SNTG1: variants seen among roughly 807,000 people sequenced by gnomAD.
SNTG1 encodes the protein gamma-1-syntrophin.
SNTG1 carries 39 observed loss-of-function variants against 74.7 expected under a neutral mutation model. That is an observed-to-expected ratio of 0.52 (90% CI 0.40 to 0.68). SNTG1 has a LOEUF of 0.68. Among genes scored for constraint, SNTG1 ranks in the 30% least tolerant of loss-of-function variants. The pLI is 0.00. For synonymous variants in SNTG1, 254 were observed against 217.1 expected (o/e 1.17, Z -1.49); for missense variants, 685 against 609.5 (o/e 1.12, Z -1.30).
chr8:50,160,719 A>G (rs953846305), intron 1 of SNTG1, among the ~76,000 whole-genome samples: 7 of 152,174 alleles, frequency 4.6e-5, no homozygotes, highest in Non-Finnish European at 7.3e-5. Context: ...AATGTATCCT[A>G]TGGATTTTGA....
chr8:50,666,868 T>A (rs2095253318), intron 15 of SNTG1, among the ~76,000 whole-genome samples: 1 of 152,032 alleles, frequency 6.6e-6, no homozygotes, highest in Admixed American at 6.6e-5. Context: ...AAATAATGTG[T>A]CAATTTATTT....
At chr8:50,670,561 G>C (rs1403714718) in intron 15 of SNTG1, among the ~76,000 whole-genome samples, 1 of 148,722 alleles carries the variant, frequency 6.7e-6, no homozygotes, top group Admixed American at 6.7e-5. Flanking sequence ...ACAAATGGAA[G>C]AACATTCCAT....
intron 17 of SNTG1, among the ~76,000 whole-genome samples, chr8:50,736,183 G>A (rs145892129): frequency 6.6e-6 from 1 of 151,754 alleles, no homozygotes; most frequent in Non-Finnish European, 1.5e-5. Flanking sequence ...AATTGTAAAG[G>A]CCATCGAGAC....
chr8:50,552,830 C>T (rs763088064), intron 11 of SNTG1, among the ~76,000 whole-genome samples: 15 of 152,162 alleles, frequency 9.9e-5, no homozygotes, highest in Non-Finnish European at 1.6e-4. Context: ...TTACCTGAAT[C>T]TAAAGATGCT....
chr8:50,659,011 A>G (rs906579173), intron 15 of SNTG1, among the ~76,000 whole-genome samples: 1 of 151,512 alleles, frequency 6.6e-6, no homozygotes, highest in Admixed American at 6.6e-5. Context: ...TTTTTTTTTT[A>G]ATTCTTTTTT....
chr8:50,528,257 A>G (rs959934069), intron 9 of SNTG1, among the ~76,000 whole-genome samples: 2 of 151,954 alleles, frequency 1.3e-5, no homozygotes, highest in Non-Finnish European at 2.9e-5. Flanking sequence ...GTCATTAGTT[A>G]GGGTATCGGA....
At chr8:50,325,826 A>G (rs2090722559) in intron 2 of SNTG1, among the ~76,000 whole-genome samples, 1 of 152,032 alleles carries the variant, frequency 6.6e-6, no homozygotes, top group African/African-American at 2.4e-5. Flanking sequence ...ATCTCAGTGG[A>G]AAAGCTTTTG....
chr8:50,594,626 G>T (rs996785393), intron 13 of SNTG1, among the ~76,000 whole-genome samples: 1 of 152,226 alleles, frequency 6.6e-6, no homozygotes, highest in Non-Finnish European at 1.5e-5. Context: ...AATTAAAAGT[G>T]ACTAGAGTCA....
At chr8:49,990,688 C>T (rs145109228) in intron 1 of SNTG1, among the ~76,000 whole-genome samples, 22 of 152,086 alleles carry the variant, frequency 1.4e-4, no homozygotes, top group Admixed American at 1.2e-3. Flanking sequence ...TCAATTTGTG[C>T]ACAGGCATTT....
At chr8:50,354,580 C>T (rs72642333) in intron 2 of SNTG1, among the ~76,000 whole-genome samples, 3 of 152,218 alleles carry the variant, frequency 2.0e-5, no homozygotes, top group Non-Finnish European at 4.4e-5. Flanking sequence ...ATTATTGTCT[C>T]TTCTGTTATA....
chr8:50,001,232 G>C (rs938963625), intron 1 of SNTG1, among the ~76,000 whole-genome samples: 1 of 152,034 alleles, frequency 6.6e-6, no homozygotes, highest in Non-Finnish European at 1.5e-5. Flanking sequence ...ACCTATCTGG[G>C]TTTTTTAATT....
chr8:50,721,733 G>T (rs1391180172), intron 17 of SNTG1, among the ~76,000 whole-genome samples: 4 of 152,174 alleles, frequency 2.6e-5, no homozygotes, highest in Admixed American at 2.0e-4. Flanking sequence ...ATGAAATGTG[G>T]TGAACGTGTA....
At chr8:49,975,094 C>T (rs1812068167) in intron 1 of SNTG1, among the ~76,000 whole-genome samples, 1 of 152,116 alleles carries the variant, frequency 6.6e-6, no homozygotes, top group Non-Finnish European at 1.5e-5. Flanking sequence ...ATGGGCGAAT[C>T]ATGGCTCTCT....
chr8:50,795,758 A>T lies in SNTG1; in HGVS notation c.*2929A>T, dbSNP rs928752935. On this transcript the variant is annotated 3_prime_UTR_variant, in exon 19 of 19. Transcript: ENST00000642720. ...AAAGAATAACAATTCATCTAAGTCG[A>T]AGTATATTACAGAAAGGGCATTTAT... is the stretch of plus-strand genomic sequence containing the variant. 6.6e-6 allele frequency: 1 copy of T among 152,100 alleles called. No individual in the cohort carries two copies. The highest frequency in any genetic ancestry group is 6.6e-5 in the Admixed American group (1 of 15,232). 9.4% of individuals were successfully genotyped at this position (152,100 alleles called of 1,614,324 possible). A position where few individuals can be genotyped will look rare whatever the true frequency, so the allele number is the denominator to read the frequency against.
chr8:50,424,872 C>A (rs2093141492), intron 4 of SNTG1, among the ~76,000 whole-genome samples: 1 of 152,128 alleles, frequency 6.6e-6, no homozygotes, highest in South Asian at 2.1e-4. Context: ...CATAATTATG[C>A]TCTGCTCATT....
At chr8:50,771,839 C>T (rs1392821783) in intron 18 of SNTG1, among the ~76,000 whole-genome samples, 1 of 152,006 alleles carries the variant, frequency 6.6e-6, no homozygotes, top group East Asian at 1.9e-4. Context: ...GCTCAAGTGG[C>T]CCCAAGTAAG....
intron 1 of SNTG1, among the ~76,000 whole-genome samples, chr8:49,938,827 T>A (rs1367578173): frequency 6.6e-6 from 1 of 151,812 alleles, no homozygotes; most frequent in African/African-American, 2.4e-5. Context: ...AAATTTCAAA[T>A]CTTGTTCTAG....
intron 1 of SNTG1, among the ~76,000 whole-genome samples, chr8:49,970,721 C>A (rs1265858703): frequency 6.6e-6 from 1 of 152,190 alleles, no homozygotes; most frequent in African/African-American, 2.4e-5. Context: ...AATTCTGCAG[C>A]TAGTGAGACT....
intron 13 of SNTG1, among the ~76,000 whole-genome samples, chr8:50,633,985 A>G (rs1401187223): frequency 1.3e-5 from 2 of 152,140 alleles, no homozygotes; most frequent in African/African-American, 2.4e-5. Context: ...CTTAATTGAG[A>G]ATAGCTGCAT....
Sources: allele counts gnomAD v4.1 joint callset (sites outside exome capture counted in the v4.1 genomes callset), GRCh38; gene constraint gnomAD v4.1.1; transcripts MANE v1.5; gene names NCBI Gene and HGNC (gene_info 2026-07-23, HGNC 2026-07-21).